The following SH3RF2 variants were observed in gnomAD, a reference collection of about 807,000 sequenced individuals.
SH3RF2 encodes the protein E3 ubiquitin-protein ligase SH3RF2.
A neutral mutation model predicts 59.0 loss-of-function variants in SH3RF2; 43 were observed. The ratio of observed to expected loss-of-function variants is 0.73; its 90% CI spans 0.57 to 0.94. The LOEUF (loss-of-function observed/expected upper bound fraction) is 0.94, where lower values mean the gene tolerates loss of function less well. Ranked by LOEUF, SH3RF2 falls within the 40% of genes least tolerant of loss-of-function variation. The pLI is 0.00. For synonymous variants in SH3RF2, 391 were observed against 391.5 expected, an observed-to-expected ratio of 1.00 and a Z score of 0.01; for missense variants, 930 against 940.1, an observed-to-expected ratio of 0.99 and a Z score of 0.14.
chr5:146,067,062 T>C (rs1259279308), downstream of SH3RF2, among the ~76,000 whole-genome samples: 1 of 152,114 alleles, frequency 6.6e-6, no homozygotes, highest in Admixed American at 6.5e-5. Flanking sequence ...GATCCTTACT[T>C]AGGACTTGTC....
intron 7 of SH3RF2, 52 bp downstream of exon 7, chr5:146,049,297 G>A (rs1561763309): frequency 1.3e-6 from 2 of 1,548,104 alleles, no homozygotes; most frequent in Admixed American, 3.8e-5. Context: ...CCTAGGCCAG[G>A]GGCCATCTGT....
chr5:145,945,025 T>C (rs975424995), intron 2 of SH3RF2, among the ~76,000 whole-genome samples: 1 of 152,212 alleles, frequency 6.6e-6, no homozygotes, highest in Non-Finnish European at 1.5e-5. Context: ...GTAAACCAAC[T>C]AGTCAGTATA....
chr5:145,957,706 G>A (rs1047786412), intron 2 of SH3RF2, among the ~76,000 whole-genome samples: 4 of 152,022 alleles, frequency 2.6e-5, no homozygotes, highest in Non-Finnish European at 4.4e-5. Context: ...TAAAAAAAAC[G>A]TGGAGTGGGG....
In SH3RF2 at chr5:146,014,091, C is replaced by CTTTGGAGTTGG. The variant is rs750712263; in HGVS notation, c.1059+31_1059+41dup. ...GGAAGAAACGCCTGGGATGAGGGCA[C>CTTTGGAGTTGG]TTTGGAGTTGGGCAAGTGATTCATA... On this transcript the variant is annotated intron_variant, in intron 5 of 9. Coordinates refer to ENST00000359120, the MANE Select transcript of SH3RF2 (RefSeq NM_152550.4). 4 of 1,603,446 alleles carry CTTTGGAGTTGG rather than the reference C, an allele frequency of 2.5e-6. No individual in the cohort carries two copies. The African/African-American group carries it at 5.4e-5, about 22-fold the overall frequency.
At chr5:146,071,643 CT>C (rs1301273497) in intron 9 of SH3RF2, among the ~76,000 whole-genome samples, 1 of 152,198 alleles carries the variant, frequency 6.6e-6, no homozygotes, top group Non-Finnish European at 1.5e-5. Context: ...GTCACAAGAT[CT>C]GGAGAAGTAA....
chr5:146,074,931 T>C (rs935218397), intron 9 of SH3RF2, among the ~76,000 whole-genome samples: 2 of 152,236 alleles, frequency 1.3e-5, no homozygotes, highest in African/African-American at 2.4e-5. Context: ...ACTTCACCTA[T>C]CTAAGTCTCA....
chr5:146,065,132 TCTC>T (rs1160082729), downstream of SH3RF2, among the ~76,000 whole-genome samples: 3 of 152,198 alleles, frequency 2.0e-5, no homozygotes, highest in African/African-American at 7.2e-5. Flanking sequence ...GTTCTAGCTA[TCTC>T]AATCACGTTT....
In SH3RF2 at chr5:146,062,932, G is replaced by A. The variant is rs11741958; in HGVS notation, c.*231G>A. On this transcript the variant is annotated 3_prime_UTR_variant, in exon 10 of 10. Transcript: ENST00000359120. ...ATAATGATTTGATGCCACAAAGCTCGCTTACTCAGACCAAGGAGTGAAAAA... is the reference window on the plus strand; with the variant it reads ...ATAATGATTTGATGCCACAAAGCTCACTTACTCAGACCAAGGAGTGAAAAA... 200,627 of 589,478 alleles carry A rather than the reference G, an allele frequency of 0.34. 36,716 individuals are homozygous for A. The highest frequency in any genetic ancestry group is 0.39 in the Non-Finnish European group (132,602 of 342,920). The allele number at this position is 589,478 out of a possible 1,614,324, so 36.5% of individuals were successfully genotyped here. A position where few individuals can be genotyped will look rare whatever the true frequency, so the allele number is the denominator to read the frequency against.
At chr5:145,948,003 TTAAAA>T (rs1315997402) in intron 2 of SH3RF2, among the ~76,000 whole-genome samples, 2 of 152,202 alleles carry the variant, frequency 1.3e-5, no homozygotes, top group Admixed American at 6.5e-5. Flanking sequence ...TTAATAAATC[TTAAAA>T]TAAAGGGTGT....
intron 2 of SH3RF2, among the ~76,000 whole-genome samples, chr5:145,953,521 T>C (rs1758271868): frequency 6.6e-6 from 1 of 152,216 alleles, no homozygotes; most frequent in Non-Finnish European, 1.5e-5. Context: ...ATTCTTGCAT[T>C]GCTATAAATA....
chr5:146,055,319 G>GT (rs1221898143), intron 7 of SH3RF2, among the ~76,000 whole-genome samples: 3 of 152,116 alleles, frequency 2.0e-5, no homozygotes, highest in South Asian at 2.1e-4. Flanking sequence ...AAGTCTTTGT[G>GT]TTTTTTTATT....
At chr5:146,030,738 T>A (rs954617987) in intron 5 of SH3RF2, among the ~76,000 whole-genome samples, 1 of 147,892 alleles carries the variant, frequency 6.8e-6, no homozygotes, top group Non-Finnish European at 1.5e-5. Flanking sequence ...CTTTTACAGA[T>A]GTGATTTTGA....
chr5:145,949,609 T>TC (rs1314758252), intron 2 of SH3RF2, among the ~76,000 whole-genome samples: 1 of 152,116 alleles, frequency 6.6e-6, no homozygotes, highest in Admixed American at 6.5e-5. Flanking sequence ...CTCAGAGTGG[T>TC]GAATTCCCAC....
At chr5:145,960,250 C>T (rs1253747044) in intron 2 of SH3RF2, among the ~76,000 whole-genome samples, 1 of 152,084 alleles carries the variant, frequency 6.6e-6, no homozygotes, top group African/African-American at 2.4e-5. Context: ...CAAGTTCTGC[C>T]ACCTACCTAA....
intron 4 of SH3RF2, among the ~76,000 whole-genome samples, chr5:146,013,029 C>G (rs1366354005): frequency 1.3e-5 from 2 of 151,876 alleles, no homozygotes; most frequent in Non-Finnish European, 2.9e-5. Flanking sequence ...AGATATAGAA[C>G]AAGGAAGAAT....
intron 2 of SH3RF2, among the ~76,000 whole-genome samples, chr5:145,948,817 C>T (rs17425465): frequency 0.01 from 1,525 of 152,292 alleles, 16 homozygotes; most frequent in Admixed American, 0.021. Context: ...CCTCCAGCCT[C>T]CACAGCATGT....
Position 145,997,679 on chromosome 5 carries a change from A to G in SH3RF2, c.379-2379A>G, listed in dbSNP as rs925198507. 1.7e-5 allele frequency: 26 copies of G among 1,563,562 alleles called. 1 individual carries two copies. In the Middle Eastern group the frequency reaches 6.9e-4, roughly 41 times the overall value. On this transcript the variant is annotated intron_variant, in intron 2 of 9. Transcript: ENST00000359120. ...TTTGCTACCCAGTTCAGTCAGTAATAATTGCTAAGGTAACAGGGAAAAAGG... is the reference window on the plus strand; with the variant it reads ...TTTGCTACCCAGTTCAGTCAGTAATGATTGCTAAGGTAACAGGGAAAAAGG...
intron 4 of SH3RF2, among the ~76,000 whole-genome samples, chr5:146,011,386 C>A (rs1760890588): frequency 1.3e-5 from 2 of 152,078 alleles, no homozygotes; most frequent in Admixed American, 6.6e-5. Context: ...TCCATATGAA[C>A]TTTACAGTAG....
intron 2 of SH3RF2, among the ~76,000 whole-genome samples, chr5:145,942,583 C>A (rs573732915): frequency 6.0e-4 from 92 of 152,292 alleles, no homozygotes; most frequent in African/African-American, 2.1e-3. Flanking sequence ...AGCTGTGATA[C>A]AGACAGTGGG....
Sources: gnomAD v4.1 joint callset for allele counts (sites outside exome capture counted in the v4.1 genomes callset) on GRCh38, gnomAD v4.1.1 for gene constraint, MANE v1.5 for transcripts, NCBI Gene and HGNC (gene_info 2026-07-23, HGNC 2026-07-21) for gene names.